Variants in TRPM3 observed in about 807,000 individuals in gnomAD.
TRPM3 encodes the protein transient receptor potential cation channel subfamily M member 3.
A neutral mutation model predicts 181.2 loss-of-function variants in TRPM3; 77 were observed. The observed-to-expected ratio is 0.42, with a 90% confidence interval of 0.35 to 0.51. The LOEUF is 0.51. Among genes scored for constraint, TRPM3 ranks in the 20% least tolerant of loss-of-function variants. TRPM3 has a pLI of 0.01. For synonymous variants in TRPM3, 745 were observed against 796.4 expected, an observed-to-expected ratio of 0.94 and a Z score of 1.09; for missense variants, 1,759 against 2,196.7, an observed-to-expected ratio of 0.80 and a Z score of 3.98.
At chr9:70,613,738 C>T (rs1286170185) in intron 18 of TRPM3, among the ~76,000 whole-genome samples, 1 of 152,200 alleles carries the variant, frequency 6.6e-6, no homozygotes, top group African/African-American at 2.4e-5. Flanking sequence ...CTACTGGGCT[C>T]TTAGTAAACA....
At chr9:71,082,463 G>A (rs2133775653) in intron 1 of TRPM3, among the ~76,000 whole-genome samples, 1 of 152,212 alleles carries the variant, frequency 6.6e-6, no homozygotes, top group Non-Finnish European at 1.5e-5. Flanking sequence ...TCCCCCTAAG[G>A]TAAGTTAGAG....
chr9:71,315,968 G>A (rs1051188950), intron 1 of TRPM3, among the ~76,000 whole-genome samples: 1 of 152,070 alleles, frequency 6.6e-6, no homozygotes, highest in Non-Finnish European at 1.5e-5. Flanking sequence ...TATACTCTAG[G>A]CAAGAAACTC....
At chr9:71,104,772 A>T (rs1451174343) in intron 1 of TRPM3, among the ~76,000 whole-genome samples, 1 of 152,156 alleles carries the variant, frequency 6.6e-6, no homozygotes, top group Non-Finnish European at 1.5e-5. Context: ...GGGAAATGTG[A>T]ATTATAATCA....
intron 1 of TRPM3, among the ~76,000 whole-genome samples, chr9:70,924,559 A>G (rs545677065): frequency 6.6e-6 from 1 of 152,152 alleles, no homozygotes; most frequent in Non-Finnish European, 1.5e-5. Context: ...ATGGATTCCT[A>G]GAAGTACAAT....
intron 1 of TRPM3, among the ~76,000 whole-genome samples, chr9:71,353,797 TC>T (rs2091773341): frequency 6.6e-6 from 1 of 152,232 alleles, no homozygotes; most frequent in Admixed American, 6.5e-5. Flanking sequence ...TGCATATTCT[TC>T]ATGAATCATC....
In TRPM3 at chr9:70,785,957, C is replaced by T. The variant is rs114432698; in HGVS notation, c.974-1678G>A. 3.4e-3 allele frequency among the ~76,000 whole-genome samples: 517 copies of T among 152,186 alleles called. 2 individuals are homozygous for T. Among genetic ancestry groups the T allele is most frequent in the African/African-American group, 0.011 (477 of 41,542 alleles). On this transcript the variant is annotated intron_variant, in intron 6 of 25. Transcript: ENST00000677713. ...GAGACAAGTGACCTGGGGACCCATT[C>T]GTTTTCTGTGGATGGGGAGGTCTTG...
At chr9:71,010,519 T>C (rs1193642463) in intron 1 of TRPM3, among the ~76,000 whole-genome samples, 1 of 151,982 alleles carries the variant, frequency 6.6e-6, no homozygotes, top group Non-Finnish European at 1.5e-5. Context: ...TGAAAACAAA[T>C]GCTCAACATC....
chr9:70,972,341 T>C (rs1341000074), intron 1 of TRPM3, among the ~76,000 whole-genome samples: 1 of 152,186 alleles, frequency 6.6e-6, no homozygotes, highest in Non-Finnish European at 1.5e-5. Context: ...TCAAGATTCA[T>C]CTATGTTGTC....
At chr9:70,636,155 T>C (rs1452585349) in intron 11 of TRPM3, among the ~76,000 whole-genome samples, 1 of 152,212 alleles carries the variant, frequency 6.6e-6, no homozygotes, top group Non-Finnish European at 1.5e-5. Flanking sequence ...CCATAGATCA[T>C]ATGTAACAAA....
Position 71,187,818 on chromosome 9 carries a change from A to G in TRPM3, c.183+258835T>C, listed in dbSNP as rs982927402. Among the ~76,000 whole-genome samples, 4 of 151,858 alleles carry G rather than the reference A, an allele frequency of 2.6e-5. No individual in the cohort carries two copies. The Admixed American group carries it at 2.6e-4, about 10-fold the overall frequency. ...TATATGAACATAGTTTTCATAACACAAAAGAGAACATATTCTCCATATTCT... is the reference window on the plus strand; with the variant it reads ...TATATGAACATAGTTTTCATAACACGAAAGAGAACATATTCTCCATATTCT... On this transcript the variant is annotated intron_variant, in intron 1 of 24. Coordinates refer to the TRPM3 transcript ENST00000357533.
intron 1 of TRPM3, among the ~76,000 whole-genome samples, chr9:70,961,562 C>T (rs2097136878): frequency 6.6e-6 from 1 of 152,176 alleles, no homozygotes; most frequent in Non-Finnish European, 1.5e-5. Flanking sequence ...TCTGTTTTCT[C>T]TGAACATCTC....
intron 17 of TRPM3, among the ~76,000 whole-genome samples, chr9:70,617,287 A>G (rs1439719556): frequency 6.6e-6 from 1 of 152,080 alleles, no homozygotes; most frequent in African/African-American, 2.4e-5. Context: ...CAGTGTGGCT[A>G]TGGAGTGCCC....
At chr9:71,128,182 T>A (rs1253362211) in intron 1 of TRPM3, among the ~76,000 whole-genome samples, 3 of 152,180 alleles carry the variant, frequency 2.0e-5, no homozygotes, top group African/African-American at 7.2e-5. Flanking sequence ...TCCTTACTTT[T>A]AAAATAGATA....
chr9:70,547,535 CAAA>C (rs58051483), intron 25 of TRPM3, among the ~76,000 whole-genome samples: 53,581 of 119,228 alleles, frequency 0.45, 11,435 homozygotes, highest in Non-Finnish European at 0.56. Flanking sequence ...CTTACAAATG[CAAA>C]AAAAAAAAAA....
chr9:71,421,002 A>AGAGAAAAAGG, intron 1 of TRPM3, among the ~76,000 whole-genome samples: 1 of 111,420 alleles, frequency 9.0e-6, no homozygotes, highest in Non-Finnish European at 2.2e-5. Flanking sequence ...AGAGAAAAAG[A>AGAGAAAAAGG]GAGAAAAAGA....
At chr9:71,412,258 T>C (rs2093564884) in intron 1 of TRPM3, among the ~76,000 whole-genome samples, 2 of 152,210 alleles carry the variant, frequency 1.3e-5, no homozygotes, top group Non-Finnish European at 2.9e-5. Context: ...GGGATCTAAT[T>C]AAACTAAAGA....
chr9:71,258,263 TGAGGTTAAGTTCATG>T (rs1488892061), intron 1 of TRPM3, among the ~76,000 whole-genome samples: 2 of 152,296 alleles, frequency 1.3e-5, no homozygotes, highest in African/African-American at 4.8e-5. Flanking sequence ...ATGGGGAAAC[TGAGGTTAAGTTCATG>T]CTGCTGGTTG....
At chr9:70,682,459 A>G (rs2065713831) in intron 8 of TRPM3, among the ~76,000 whole-genome samples, 2 of 152,158 alleles carry the variant, frequency 1.3e-5, no homozygotes, top group South Asian at 4.1e-4. Context: ...GATAACTTCA[A>G]GCAGAGTAAG....
chr9:71,061,390 G>T (rs1413369319), intron 1 of TRPM3, among the ~76,000 whole-genome samples: 1 of 152,102 alleles, frequency 6.6e-6, no homozygotes, highest in Non-Finnish European at 1.5e-5. Context: ...AACAGAGGTG[G>T]CCAGAGACTG....
Sources: allele counts gnomAD v4.1 joint callset (sites outside exome capture counted in the v4.1 genomes callset), GRCh38; gene constraint gnomAD v4.1.1; transcripts MANE v1.5; gene names NCBI Gene and HGNC (gene_info 2026-07-23, HGNC 2026-07-21).